The following ESYT1 variants were observed in gnomAD, a reference collection of about 807,000 sequenced individuals.
The protein encoded by ESYT1 is extended synaptotagmin-1.
ESYT1 carries 116 observed loss-of-function variants against 154.2 expected under a neutral mutation model. That is an observed-to-expected ratio of 0.75 (90% CI 0.65 to 0.88). The LOEUF (loss-of-function observed/expected upper bound fraction) is 0.88, where lower values mean the gene tolerates loss of function less well. ESYT1 is among the 40% of genes least tolerant of loss of function. ESYT1 has a pLI of 0.00. For missense variants in ESYT1, 1,264 were observed against 1,379.3 expected (o/e 0.92, Z 1.32); for synonymous variants, 500 against 539.9 (o/e 0.93, Z 1.02).
Position 56,138,289 on chromosome 12 carries a change from G to A in ESYT1, c.2337+17G>A. ...TTAGAGGAGGTAGGGCAGGAGACTTGAGGAAGGAAGGGACCCAAGGTGGGG... is the reference window on the plus strand; with the variant it reads ...TTAGAGGAGGTAGGGCAGGAGACTTAAGGAAGGAAGGGACCCAAGGTGGGG... On this transcript the variant is annotated intron_variant, in intron 21 of 30. Coordinates refer to ENST00000394048, the MANE Select transcript of ESYT1 (RefSeq NM_015292.3). 1.9e-6 allele frequency: 3 copies of A among 1,614,126 alleles called. No individual in the cohort carries two copies. Among genetic ancestry groups the A allele is most frequent in the Non-Finnish European group, 2.5e-6 (3 of 1,179,946 alleles).
chr12:56,138,607 C>T lies in ESYT1; in HGVS notation c.2433+108C>T, dbSNP rs961548267. 5.3e-6 allele frequency: 7 copies of T among 1,313,526 alleles called. No homozygotes were observed. The African/African-American group carries it at 8.7e-5, about 16-fold the overall frequency. The allele number at this position is 1,313,526 out of a possible 1,614,324, so 81.4% of individuals were successfully genotyped here. On this transcript the variant is annotated intron_variant, in intron 22 of 30. Coordinates refer to ENST00000394048, the MANE Select transcript of ESYT1 (RefSeq NM_015292.3). ...AATAAGAAAAATGGCCCCTCTCTTTCTGAGGGTAGTGCAGGGGTGGGAAAA... is the reference window on the plus strand; with the variant it reads ...AATAAGAAAAATGGCCCCTCTCTTTTTGAGGGTAGTGCAGGGGTGGGAAAA...
In ESYT1 at chr12:56,133,571, A is replaced by G; in HGVS notation, c.1294-17A>G. 2 of 1,613,926 alleles carry G rather than the reference A, an allele frequency of 1.2e-6. No individual in the cohort carries two copies. Among genetic ancestry groups the G allele is most frequent in the Non-Finnish European group, 1.7e-6 (2 of 1,179,772 alleles). On this transcript the variant is annotated splice_polypyrimidine_tract_variant and intron_variant, in intron 11 of 30. Transcript: ENST00000394048. ...TGAGCAGGTATCTGATCTCTACTACATCTCAATTTCTTCTAGTGGTTCCCT... is the reference window on the plus strand; with the variant it reads ...TGAGCAGGTATCTGATCTCTACTACGTCTCAATTTCTTCTAGTGGTTCCCT...
At position 56,142,341 on chromosome 12, in the gene ESYT1, C is replaced by T. The variant is rs746699063; in HGVS notation, c.2649C>T (p.Leu883=). The change falls in exon 25 of 31, where the codon CTC becomes CTT. Residue 883 remains leucine, a synonymous_variant. Coordinates refer to ENST00000394048, the MANE Select transcript of ESYT1 (RefSeq NM_015292.3). This position sits in a 1 kb window ranked among gnomAD's most constrained non-coding sequence, Gnocchi z 4.1. ...CATTATCCCTGCCCCTCTCAGAGCTCCTCGTGGCTGACCAGCTCTGCTTGG... is the reference window on the plus strand; with the variant it reads ...CATTATCCCTGCCCCTCTCAGAGCTTCTCGTGGCTGACCAGCTCTGCTTGG... ...LGSLSLPLSE[L]LVADQLCLDR... is the part of the protein sequence containing the mutation. 3.7e-6 allele frequency: 6 copies of T among 1,614,142 alleles called. 1 individual carries two copies. The South Asian group carries it at 6.6e-5, about 18-fold the overall frequency.
Position 56,128,644 on chromosome 12 carries a change from C to T in ESYT1, c.325C>T (p.Leu109=). 6.2e-7 allele frequency: 1 copy of T among 1,614,230 alleles called. No homozygotes were observed. The highest frequency in any genetic ancestry group is 8.5e-7 in the Non-Finnish European group (1 of 1,180,040). Residue 109 remains leucine, a synonymous_variant, in exon 1 of 31, where the codon CTG becomes TTG. Transcript: ENST00000394048. ...ERSLRAARQL[L]DDEEQLTAKT... ...GAGCCTTCGAGCAGCGAGGCAGCTACTGGACGACGAGGAGCAGCTCACTGC... is the reference window on the plus strand; with the variant it reads ...GAGCCTTCGAGCAGCGAGGCAGCTATTGGACGACGAGGAGCAGCTCACTGC...
rs147382760 is a variant in ESYT1, at chr12:56,144,298, C to T, written c.*436C>T. The T allele has an allele frequency of 1.9e-6, 2 of 1,050,438 alleles. No homozygotes were observed. The highest frequency in any genetic ancestry group is 3.4e-5 in the African/African-American group (2 of 59,484). 65.1% of individuals were successfully genotyped at this position (1,050,438 alleles called of 1,614,324 possible). On this transcript the variant is annotated 3_prime_UTR_variant, in exon 31 of 31. Transcript: ENST00000394048. ...TGGGAAGGTGGACAGGCTAACCTCT[C>T]CAGCTGTGAGCCTCTTAGACTACTG... is the stretch of plus-strand genomic sequence containing the variant.
Position 56,142,532 on chromosome 12 carries a change from G to A in ESYT1, c.2734-46G>A, listed in dbSNP as rs780947597. The A allele has an allele frequency of 1.2e-5, 19 of 1,613,508 alleles. No individual in the cohort carries two copies. The highest frequency in any genetic ancestry group is 8.9e-5 in the East Asian group (4 of 44,872). On this transcript the variant is annotated intron_variant, in intron 25 of 30. Coordinates refer to ENST00000394048, the MANE Select transcript of ESYT1 (RefSeq NM_015292.3). This position sits in a 1 kb window ranked among gnomAD's most constrained non-coding sequence, Gnocchi z 4.1. ...ACAGAGGGCCGTGTCCTTAGAGTGA[G>A]GGAACTGAGAGAACTCTGCCCAGCT...
intron 14 of ESYT1, 79 bp from the exon 15 acceptor site, chr12:56,134,263 C>T (rs1870357952): frequency 4.4e-6 from 7 of 1,596,456 alleles, no homozygotes; most frequent in Non-Finnish European, 6.0e-6. Flanking sequence ...TTTAGAATGC[C>T]TGTTACATGC....
chr12:56,129,124 A>C, intron 1 of ESYT1: 1 of 224,040 alleles, frequency 4.5e-6, no homozygotes. Context: ...AGTCTTTCCC[A>C]TCCTCCTCGA....
chr12:56,132,418 C>T lies in ESYT1; in HGVS notation c.985-3C>T. On this transcript the variant is annotated splice_region_variant and splice_polypyrimidine_tract_variant and intron_variant, in intron 8 of 30. Transcript: ENST00000394048. ...TTTCTCACCATCTGATTCCTTCCTCCAGGGCATTATTCGAATTCACCTGCT... is the reference window on the plus strand; with the variant it reads ...TTTCTCACCATCTGATTCCTTCCTCTAGGGCATTATTCGAATTCACCTGCT... 6.2e-7 allele frequency: 1 copy of T among 1,614,138 alleles called. No individual in the cohort carries two copies. Among genetic ancestry groups the T allele is most frequent in the African/African-American group, 1.3e-5 (1 of 75,014 alleles).
rs756408057 is a variant in ESYT1, at chr12:56,137,660, G to C, written c.2100G>C (p.Trp700Cys). ...HVVREDLNPRWNEVFEVIVTS... is the reference protein window; with the variant it reads ...HVVREDLNPRCNEVFEVIVTS... ...TTCGGGAAGATCTCAATCCCCGCTG[G>C]AATGAGGTTTTTGAGGTCAGAATTG... Residue 700 changes from tryptophan (W) to cysteine (C), a missense_variant, in exon 18 of 31, where the codon TGG (tryptophan) becomes TGC (cysteine). Coordinates refer to ENST00000394048, the MANE Select transcript of ESYT1 (RefSeq NM_015292.3). 6 of 1,614,082 alleles carry C rather than the reference G, an allele frequency of 3.7e-6. No individual in the cohort carries two copies. The highest frequency in any genetic ancestry group is 5.1e-6 in the Non-Finnish European group (6 of 1,179,976).
intron 14 of ESYT1, 26 bp downstream of exon 14, chr12:56,134,207 T>C (rs1161384051): frequency 5.0e-6 from 8 of 1,612,068 alleles, no homozygotes; most frequent in African/African-American, 1.3e-5. Context: ...TCATTGTGGG[T>C]GGCCAGGTAG....
chr12:56,131,921 G>A, intron 7 of ESYT1, 117 bp downstream of exon 7: 1 of 1,142,848 alleles, frequency 8.8e-7, no homozygotes, highest in Non-Finnish European at 1.3e-6. Context: ...CTTCATTTGG[G>A]GAGCAAAGAC....
rs763354161 is a variant in ESYT1, at chr12:56,143,567, T to C, written c.3226-13T>C. ...AAGAAATAACATCTTTCCCCTATCA[T>C]CTTCCAACACAGGTGCAGCTGGACC... On this transcript the variant is annotated splice_polypyrimidine_tract_variant and intron_variant, in intron 29 of 30. Transcript: ENST00000394048. The C allele has an allele frequency of 1.2e-6, 2 of 1,614,064 alleles. No homozygotes were observed. The highest frequency in any genetic ancestry group is 1.7e-6 in the Non-Finnish European group (2 of 1,180,006).
chr12:56,129,530 G>C (rs1384971231), intron 1 of ESYT1: 1 of 152,466 alleles, frequency 6.6e-6, no homozygotes, highest in Non-Finnish European at 1.5e-5. Flanking sequence ...GCCAGTCTAG[G>C]GGGAGAATGG....
Position 56,138,427 on chromosome 12 carries a change from C to T in ESYT1, c.2361C>T (p.Ile787=). The T allele has an allele frequency of 6.2e-7, 1 of 1,613,572 alleles. No homozygotes were observed. Among genetic ancestry groups the T allele is most frequent in the South Asian group, 1.1e-5 (1 of 90,948 alleles). ...LEEVLQVNSL[I]QTQKSAELAA... ...AGGTGCTGCAGGTGAATAGTTTGAT[C>T]CAGACTCAGAAGAGTGCGGAGCTGG... The change falls in exon 22 of 31, where the codon ATC becomes ATT. Residue 787 remains isoleucine, a synonymous_variant. Coordinates refer to ENST00000394048, the MANE Select transcript of ESYT1 (RefSeq NM_015292.3).
At position 56,137,517 on chromosome 12, in the gene ESYT1, G is replaced by A; in HGVS notation, c.1957G>A (p.Val653Ile). ...TTTGCAGCATGTGCTTCGGATCCAT[G>A]TATTAGAGGCCCAGGACCTGATTGC... The part of the protein sequence containing the change: ...FGTEHVLRIH[V>I]LEAQDLIAKD... The change falls in exon 18 of 31, where the codon GTA becomes ATA. Residue 653 changes from valine (V) to isoleucine (I), a missense_variant. Physicochemically the swap from Val to Ile is conservative, Grantham distance 29. Coordinates refer to ENST00000394048, the MANE Select transcript of ESYT1 (RefSeq NM_015292.3). The A allele has an allele frequency of 6.2e-7, 1 of 1,613,808 alleles. No individual in the cohort carries two copies. The highest frequency in any genetic ancestry group is 1.1e-5 in the South Asian group (1 of 91,042).
At chr12:56,128,924 G>C in intron 1 of ESYT1, 1 of 596,448 alleles carries the variant, frequency 1.7e-6, no homozygotes, top group South Asian at 2.0e-5. Context: ...TGCCCAGACT[G>C]GATCCTTCCA....
chr12:56,143,417 C>T lies in ESYT1; in HGVS notation c.3225+84C>T, dbSNP rs1449241339. ...ATAGTCCCTGTGAGGAAGGAAGTAC[C>T]CCACGTGATCCTTTAGAGGTGACTC... is the stretch of plus-strand genomic sequence containing the variant. On this transcript the variant is annotated intron_variant, in intron 29 of 30. Transcript: ENST00000394048. The T allele has an allele frequency of 6.0e-6, 9 of 1,500,996 alleles. No homozygotes were observed. The Admixed American group carries it at 1.0e-4, about 17-fold the overall frequency. 93.0% of individuals were successfully genotyped at this position (1,500,996 alleles called of 1,614,324 possible).
chr12:56,140,376 A>T (rs1870640761), intron 24 of ESYT1, among the ~76,000 whole-genome samples: 1 of 151,358 alleles, frequency 6.6e-6, no homozygotes, highest in South Asian at 2.1e-4. Flanking sequence ...TTTATTTATT[A>T]TTTTTTTGAA....
Sources: gnomAD v4.1 joint callset for allele counts (sites outside exome capture counted in the v4.1 genomes callset) on GRCh38, gnomAD v4.1.1 for gene constraint, Gnocchi (gnomAD v3.1) non-coding constraint, MANE v1.5 for transcripts, NCBI Gene and HGNC (gene_info 2026-07-23, HGNC 2026-07-21) for gene names.